COA1: variants seen among roughly 807,000 people sequenced by gnomAD.
COA1 encodes the protein cytochrome c oxidase assembly factor 1 homolog.
A neutral mutation model predicts 16.0 loss-of-function variants in COA1; 13 were observed. That is an observed-to-expected ratio of 0.81 (90% CI 0.53 to 1.29). The LOEUF is 1.29. COA1 is among the 50% of genes most tolerant of loss of function. COA1 has a pLI of 0.00. For missense variants in COA1, 179 were observed against 177.0 expected (o/e 1.01, Z -0.06); for synonymous variants, 65 against 65.7 (o/e 0.99, Z 0.05).
intron 6 of COA1, among the ~76,000 whole-genome samples, chr7:43,627,957 T>G (rs562135198): frequency 1.3e-5 from 2 of 152,268 alleles, no homozygotes. Flanking sequence ...GATGCTTATA[T>G]CAGCAGTTTG....
At chr7:43,634,701 T>C (rs373073813), downstream of COA1, among the ~76,000 whole-genome samples, 2 of 152,094 alleles carry the variant, frequency 1.3e-5, no homozygotes, top group African/African-American at 4.8e-5. Flanking sequence ...GGCTGTGGGA[T>C]TGGGGCCATG....
chr7:43,644,710 T>TTAGATAGATAGATAGA (rs764989171), intron 4 of COA1, among the ~76,000 whole-genome samples: 1,334 of 56,794 alleles, frequency 0.023, 24 homozygotes, highest in East Asian at 0.038. Context: ...GATAGATAGA[T>TTAGATAGATAGATAGA]TAGATAGATA....
intron 6 of COA1, among the ~76,000 whole-genome samples, chr7:43,630,806 A>C (rs184570266): frequency 2.1e-4 from 32 of 152,310 alleles, no homozygotes; most frequent in African/African-American, 7.5e-4. Context: ...GAGATATGGA[A>C]CTGCTTCACT....
chr7:43,671,777 C>T (rs1305115145), intron 1 of COA1, among the ~76,000 whole-genome samples: 1 of 152,066 alleles, frequency 6.6e-6, no homozygotes, highest in African/African-American at 2.4e-5. Context: ...GCAGTTTCCC[C>T]CATGCTGTTC....
intron 1 of COA1, among the ~76,000 whole-genome samples, chr7:43,699,067 G>GC (rs2094617953): frequency 6.6e-6 from 1 of 152,162 alleles, no homozygotes; most frequent in Admixed American, 6.5e-5. Context: ...ACTCAGAACA[G>GC]CGTGGGTTAG....
intron 1 of COA1, among the ~76,000 whole-genome samples, chr7:43,709,826 A>AACAC (rs1380345939): frequency 3.3e-5 from 5 of 152,150 alleles, no homozygotes; most frequent in Non-Finnish European, 7.3e-5. Context: ...AAATCTTATT[A>AACAC]ACACACTTAA....
At chr7:43,634,442 T>C (rs959903232), downstream of COA1, among the ~76,000 whole-genome samples, 1 of 152,212 alleles carries the variant, frequency 6.6e-6, no homozygotes, top group Non-Finnish European at 1.5e-5. Flanking sequence ...AGCTTCCCGC[T>C]AGAACACGTG....
At position 43,612,769 on chromosome 7, in the gene COA1, C is replaced by T. The variant is rs369734089; in HGVS notation, c.*134-3274G>A. On this transcript the variant is annotated intron_variant and NMD_transcript_variant, in intron 6 of 6. Coordinates refer to the COA1 transcript ENST00000415076. ...TGCCAAAAGACTGATTCACTGAAGA[C>T]TGTCAGCCAAATATCTTAAATAGAG... 6.6e-5 allele frequency among the ~76,000 whole-genome samples: 10 copies of T among 151,486 alleles called. No homozygotes were observed. In the South Asian group the frequency reaches 2.1e-3, roughly 31 times the overall value.
intron 1 of COA1, chr7:43,656,082 G>T (rs1044921762): frequency 1.3e-5 from 2 of 152,176 alleles, no homozygotes; most frequent in African/African-American, 4.8e-5. Context: ...TAGTTTAAGT[G>T]GGCTACCAGA....
intron 1 of COA1, among the ~76,000 whole-genome samples, chr7:43,724,292 C>T (rs1426100950): frequency 6.6e-6 from 1 of 152,166 alleles, no homozygotes; most frequent in Non-Finnish European, 1.5e-5. Context: ...GTGGCTCACA[C>T]CTGTTATCCC....
chr7:43,645,229 G>A (rs1467686896), intron 4 of COA1, 22 bp downstream of exon 4: 1 of 1,612,120 alleles, frequency 6.2e-7, no homozygotes, highest in South Asian at 1.1e-5. Context: ...CCAGCCTGCG[G>A]TTCGCAGGGA....
chr7:43,623,016 C>A (rs73329865), intron 6 of COA1: 1,653 of 152,560 alleles, frequency 0.011, 41 homozygotes, highest in African/African-American at 0.038. Context: ...TCTATAGATG[C>A]AACTTAGTTG....
In COA1 at chr7:43,639,516, C is replaced by T. The variant is rs962748223; in HGVS notation, c.*66G>A. The T allele has an allele frequency of 2.1e-5, 27 of 1,305,060 alleles. No individual in the cohort carries two copies. Among genetic ancestry groups the T allele is most frequent in the Non-Finnish European group, 2.8e-5 (25 of 901,924 alleles). 80.8% of individuals were successfully genotyped at this position (1,305,060 alleles called of 1,614,324 possible). ...CTGTCACTGAGATGGGCCACCACCCCAGTGGCCATATGGTAGAGATGAGGG... is the reference window on the plus strand; with the variant it reads ...CTGTCACTGAGATGGGCCACCACCCTAGTGGCCATATGGTAGAGATGAGGG... On this transcript the variant is annotated 3_prime_UTR_variant, in exon 6 of 6. Coordinates refer to ENST00000223336, the MANE Select transcript of COA1 (RefSeq NM_018224.4).
intron 6 of COA1, among the ~76,000 whole-genome samples, chr7:43,616,592 C>T (rs1226207993): frequency 6.6e-6 from 1 of 152,060 alleles, no homozygotes; most frequent in Non-Finnish European, 1.5e-5. Context: ...AAGGTAAGAC[C>T]CTTTTTAAAA....
intron 1 of COA1, among the ~76,000 whole-genome samples, chr7:43,682,831 T>C (rs144153963): frequency 1.4e-4 from 21 of 152,174 alleles, no homozygotes; most frequent in Admixed American, 9.2e-4. Context: ...TACAAGCTGA[T>C]AGTTTGTTTT....
intron 1 of COA1, among the ~76,000 whole-genome samples, chr7:43,664,516 G>A (rs1166144617): frequency 6.6e-6 from 1 of 152,124 alleles, no homozygotes; most frequent in Admixed American, 6.5e-5. Context: ...CCTGTGTGGC[G>A]ATTACAGAAG....
intron 1 of COA1, among the ~76,000 whole-genome samples, chr7:43,673,897 G>C (rs1163844815): frequency 6.6e-6 from 1 of 152,148 alleles, no homozygotes; most frequent in Non-Finnish European, 1.5e-5. Flanking sequence ...ACAGGAACAG[G>C]AAACCAAATA....
intron 1 of COA1, among the ~76,000 whole-genome samples, chr7:43,710,394 A>ATATATATATATT (rs1417053077): frequency 5.2e-5 from 7 of 135,382 alleles, no homozygotes; most frequent in African/African-American, 1.6e-4. Context: ...ATATATATAT[A>ATATATATATATT]TTTTTAAGAT....
chr7:43,648,327 G>A, intron 2 of COA1: 1 of 554,510 alleles, frequency 1.8e-6, no homozygotes, highest in Non-Finnish European at 3.2e-6. Flanking sequence ...TGCTTAATTT[G>A]AAGAGAGCTC....
Sources: allele counts gnomAD v4.1 joint callset (sites outside exome capture counted in the v4.1 genomes callset), GRCh38; gene constraint gnomAD v4.1.1; transcripts MANE v1.5; gene names NCBI Gene and HGNC (gene_info 2026-07-23, HGNC 2026-07-21).